The following NAA35 variants were observed in gnomAD, a reference collection of about 807,000 sequenced individuals.
NAA35 encodes MAK10 homolog, amino-acid N-acetyltransferase subunit.
NAA35 carries 18 observed loss-of-function variants against 101.7 expected under a neutral mutation model. That is an observed-to-expected ratio of 0.18 (90% CI 0.12 to 0.26). The LOEUF is 0.26. Ranked by LOEUF, NAA35 falls within the 10% of genes least tolerant of loss-of-function variation. The probability of loss-of-function intolerance (pLI) is 1.00; values close to 1 mark genes in which losing one functional copy is unlikely to be tolerated. For missense variants in NAA35, 601 were observed against 886.8 expected (o/e 0.68, Z 4.09); for synonymous variants, 267 against 273.1 (o/e 0.98, Z 0.22).
intron 6 of NAA35, among the ~76,000 whole-genome samples, chr9:85,964,504 G>GT (rs1829662549): frequency 1.3e-5 from 2 of 152,186 alleles, no homozygotes; most frequent in East Asian, 1.9e-4. Context: ...AATCCTTAGT[G>GT]TTTTTTCCCT....
chr9:85,951,563 G>T (rs947189167), intron 2 of NAA35, among the ~76,000 whole-genome samples: 1 of 152,144 alleles, frequency 6.6e-6, no homozygotes, highest in African/African-American at 2.4e-5. Context: ...ACTTTGAATG[G>T]CTCTTTAATC....
rs866434651 is a variant in NAA35, at chr9:86,010,520, A to T, written c.1290+589A>T. 8.7e-5 allele frequency among the ~76,000 whole-genome samples: 13 copies of T among 150,224 alleles called. No individual in the cohort carries two copies. In the Middle Eastern group the frequency reaches 0.014, roughly 159 times the overall value. ...GGAAAACAGCAGTTGCTTCCTCAAA[A>T]TTTTTTGTGAATGGACATAAAAACT... On this transcript the variant is annotated intron_variant, in intron 15 of 22. Coordinates refer to ENST00000361671, the MANE Select transcript of NAA35 (RefSeq NM_024635.4).
At chr9:85,983,373 G>C (rs754775418) in intron 11 of NAA35, among the ~76,000 whole-genome samples, 7 of 152,132 alleles carry the variant, frequency 4.6e-5, no homozygotes, top group Non-Finnish European at 8.8e-5. Flanking sequence ...AAAAACAAAA[G>C]CAAATTCTAA....
In NAA35 at chr9:85,976,625, G is replaced by A. The variant is rs533142206; in HGVS notation, c.628-60G>A. On this transcript the variant is annotated intron_variant, in intron 8 of 22. Transcript: ENST00000361671. ...TTAAAAAATCAGTGTTTTTCCTTATGTATTTGTAATGTAATATTTTTTCAG... is the reference window on the plus strand; with the variant it reads ...TTAAAAAATCAGTGTTTTTCCTTATATATTTGTAATGTAATATTTTTTCAG... The A allele has an allele frequency of 1.7e-5, 21 of 1,244,458 alleles. No homozygotes were observed. The African/African-American group carries it at 3.1e-4, about 18-fold the overall frequency. 77.1% of individuals were successfully genotyped at this position (1,244,458 alleles called of 1,614,324 possible).
chr9:85,943,153 T>C (rs11141155), intron 2 of NAA35, among the ~76,000 whole-genome samples: 6,306 of 152,070 alleles, frequency 0.041, 500 homozygotes, highest in East Asian at 0.36. Context: ...ATTGGAGAAA[T>C]GAACATGCTT....
At chr9:85,987,631 A>T (rs1830709030) in intron 11 of NAA35, among the ~76,000 whole-genome samples, 1 of 152,140 alleles carries the variant, frequency 6.6e-6, no homozygotes, top group South Asian at 2.1e-4. Context: ...TAGTTTGGGG[A>T]TGGTACTGTG....
At chr9:85,958,320 G>C (rs1829362993) in intron 3 of NAA35, 152 bp from the exon 4 acceptor site, 3 of 487,542 alleles carry the variant, frequency 6.2e-6, no homozygotes, top group Non-Finnish European at 1.1e-5. Context: ...TCAGTCGACA[G>C]TTAATTGAAA....
intron 11 of NAA35, among the ~76,000 whole-genome samples, chr9:85,990,119 A>T (rs903458409): frequency 6.6e-6 from 1 of 152,246 alleles, no homozygotes; most frequent in Non-Finnish European, 1.5e-5. Flanking sequence ...TGGTGAGGCC[A>T]TGCACTGGGT....
intron 13 of NAA35, among the ~76,000 whole-genome samples, chr9:86,005,462 A>G (rs1351309169): frequency 2.0e-5 from 3 of 152,238 alleles, no homozygotes; most frequent in African/African-American, 4.8e-5. Flanking sequence ...CTTACTGAAC[A>G]TTGGAAATCT....
intron 11 of NAA35, among the ~76,000 whole-genome samples, chr9:85,993,809 A>G (rs1394020224): frequency 6.6e-6 from 1 of 152,026 alleles, no homozygotes; most frequent in Non-Finnish European, 1.5e-5. Flanking sequence ...AGATTTTCAA[A>G]AAACCCTTTG....
rs1171190839 is a variant in NAA35, at chr9:86,018,362, G to A, written c.1881G>A (p.Met627Ile). 1 of 1,613,738 alleles carries A rather than the reference G, an allele frequency of 6.2e-7. No individual in the cohort carries two copies. The highest frequency in any genetic ancestry group is 1.7e-5 in the Admixed American group (1 of 59,996). ...EHRFAPFNSV[M>I]TPPPVHYLQF... ...GGTTTGCTCCATTCAACAGTGTGAT[G>A]ACCCCGCCGCCAGTGCACTACTTAC... The change falls in exon 20 of 23, where the codon ATG becomes ATA. Residue 627 changes from methionine (M) to isoleucine (I), a missense_variant. By Grantham distance (10) the Met-to-Ile change is conservative. This residue lies in a region of NAA35 where 90 missense variants were observed against 108.7 expected (regional missense o/e 0.83). Coordinates refer to ENST00000361671, the MANE Select transcript of NAA35 (RefSeq NM_024635.4).
At chr9:85,993,385 C>T (rs1224870755) in intron 11 of NAA35, among the ~76,000 whole-genome samples, 1 of 152,176 alleles carries the variant, frequency 6.6e-6, no homozygotes, top group Admixed American at 6.5e-5. Flanking sequence ...GTTGGCCAGG[C>T]TGGTCTTGAA....
intron 2 of NAA35, among the ~76,000 whole-genome samples, chr9:85,942,898 C>G (rs1398969803): frequency 6.6e-6 from 1 of 152,186 alleles, no homozygotes; most frequent in Non-Finnish European, 1.5e-5. Context: ...AAGTGTTAAC[C>G]TCCCTGGTGA....
chr9:85,961,086 C>T (rs1829493161), intron 5 of NAA35, among the ~76,000 whole-genome samples: 1 of 152,254 alleles, frequency 6.6e-6, no homozygotes, highest in African/African-American at 2.4e-5. Context: ...AGGAACTATT[C>T]TGTGAGACTC....
intron 6 of NAA35, among the ~76,000 whole-genome samples, chr9:85,969,788 A>T (rs1829924711): frequency 6.6e-6 from 1 of 151,622 alleles, no homozygotes; most frequent in Non-Finnish European, 1.5e-5. Context: ...ACTTGAGCCC[A>T]GGAGTTTGAG....
rs10123254 is a variant in NAA35 at position 85,942,296 on chromosome 9, T to C, written c.124+13T>C. The C allele has an allele frequency of 7.4e-4, 1,196 of 1,612,426 alleles. 9 individuals are homozygous for C. The African/African-American group carries it at 0.014, about 19-fold the overall frequency. On this transcript the variant is annotated intron_variant, in intron 2 of 22. Coordinates refer to ENST00000361671, the MANE Select transcript of NAA35 (RefSeq NM_024635.4). The stretch of plus-strand genomic sequence containing the variant: ...GAAGCTTGTCGAGGTGAGTCTGATT[T>C]TTGGATTAGAAGTTCAGCATCTGGA...
intron 10 of NAA35, 150 bp downstream of exon 10, chr9:85,977,596 T>C: frequency 3.9e-6 from 2 of 506,772 alleles, no homozygotes; most frequent in East Asian, 6.3e-5. Flanking sequence ...AGTGTAACAC[T>C]GATGACTTTC....
At chr9:86,009,672 TCA>T (rs1161060635) in intron 14 of NAA35, among the ~76,000 whole-genome samples, 191 bp from the exon 15 acceptor site, 2 of 152,230 alleles carry the variant, frequency 1.3e-5, no homozygotes, top group African/African-American at 4.8e-5. Context: ...ATTGGAAATA[TCA>T]CAGATTTATT....
At chr9:85,955,358 ATATTTTT>A (rs1445344798) in intron 2 of NAA35, among the ~76,000 whole-genome samples, 1 of 47,582 alleles carries the variant, frequency 2.1e-5, no homozygotes, top group Non-Finnish European at 3.8e-5. Flanking sequence ...ATATATATAT[ATATTTTT>A]TTTTTTTTTT....
Sources: gnomAD v4.1 joint callset for allele counts (sites outside exome capture counted in the v4.1 genomes callset) on GRCh38, gnomAD v4.1.1 for gene constraint, gnomAD v4.1.1 regional missense constraint, MANE v1.5 for transcripts, NCBI Gene and HGNC (gene_info 2026-07-23, HGNC 2026-07-21) for gene names.